The following RALGPS1 variants were observed in gnomAD, a reference collection of about 807,000 sequenced individuals.
RALGPS1 encodes Ral GEF with PH domain and SH3 binding motif 1, also known as ras-specific guanine nucleotide-releasing factor RalGPS1.
Under a neutral mutation model 78.8 loss-of-function variants are expected in RALGPS1, and 19 were observed. The observed-to-expected ratio is 0.24, with a 90% CI of 0.17 to 0.35. The LOEUF (loss-of-function observed/expected upper bound fraction) is 0.35. Among genes scored for constraint, RALGPS1 ranks in the 10% least tolerant of loss-of-function variants. The pLI is 1.00. For missense variants in RALGPS1, 454 were observed against 688.3 expected (o/e 0.66, Z 3.81); for synonymous variants, 228 against 256.3 (o/e 0.89, Z 1.06).
rs1200308849 is a variant in RALGPS1, at chr9:127,183,946, C to T, written c.910+9164C>T. ...AACCCACCTCTGGCCAACACCCTGC[C>T]TGGATGTGGCCCAGCTCCTCACGAG... On this transcript the variant is annotated intron_variant, in intron 11 of 18. Coordinates refer to ENST00000259351, the MANE Select transcript of RALGPS1 (RefSeq NM_014636.3). The surrounding 1 kb of genome is among the most constrained non-coding windows in gnomAD (Gnocchi z 4.0). The T allele has an allele frequency of 6.4e-7, 1 of 1,550,552 alleles. No individual in the cohort carries two copies.
At chr9:127,101,958 C>T (rs1273315827) in intron 8 of RALGPS1, among the ~76,000 whole-genome samples, 1 of 152,122 alleles carries the variant, frequency 6.6e-6, no homozygotes, top group East Asian at 1.9e-4. Context: ...TGTAGTTCCA[C>T]AGGCTCATCT....
At chr9:126,976,821 T>C (rs1371068700) in intron 3 of RALGPS1, among the ~76,000 whole-genome samples, 3 of 152,188 alleles carry the variant, frequency 2.0e-5, no homozygotes, top group Admixed American at 6.5e-5. Context: ...CCATGTGACA[T>C]GGAGGTAGGT....
At chr9:127,217,899 T>A (rs1393848204) in intron 18 of RALGPS1, 1 of 152,248 alleles carries the variant, frequency 6.6e-6, no homozygotes, top group Non-Finnish European at 1.5e-5. Context: ...TTATTTTTAC[T>A]CATTTTGTTT....
At chr9:127,035,572 TTGGGCCCTCTCTCCAGC>T (rs2046794080) in intron 5 of RALGPS1, among the ~76,000 whole-genome samples, 2 of 152,160 alleles carry the variant, frequency 1.3e-5, no homozygotes, top group South Asian at 2.1e-4. Flanking sequence ...TGGATTCCCT[TTGGGCCCTCTCTCCAGC>T]TGGGCCTTCT....
chr9:126,995,616 G>C lies in RALGPS1; in HGVS notation c.216+17871G>C, dbSNP rs535445737. Among the ~76,000 whole-genome samples, 623 of 152,170 alleles carry C rather than the reference G, an allele frequency of 4.1e-3. 3 individuals carry two copies. Among genetic ancestry groups the C allele is most frequent in the African/African-American group, 0.014 (597 of 41,522 alleles). ...AACACCCCACTGTCAACATTAGACA[G>C]ATCAACGAGACAGAAAGTTAACAAG... On this transcript the variant is annotated intron_variant, in intron 4 of 18. Coordinates refer to ENST00000259351, the MANE Select transcript of RALGPS1 (RefSeq NM_014636.3).
chr9:126,946,559 T>C (rs1439279299), intron 1 of RALGPS1, among the ~76,000 whole-genome samples: 2 of 135,092 alleles, frequency 1.5e-5, no homozygotes, highest in African/African-American at 5.2e-5. Context: ...AAAAAAAAGA[T>C]TGAGGGCTTT....
intron 8 of RALGPS1, among the ~76,000 whole-genome samples, chr9:127,134,009 C>A (rs532055908): frequency 1.3e-5 from 2 of 151,792 alleles, no homozygotes; most frequent in South Asian, 4.2e-4. Context: ...TCCTCGCTCC[C>A]CCCCCCGTGA....
At chr9:127,190,858 A>T (rs2060989360) in intron 11 of RALGPS1, among the ~76,000 whole-genome samples, 1 of 152,260 alleles carries the variant, frequency 6.6e-6, no homozygotes, top group African/African-American at 2.4e-5. Context: ...TAAGCCCCAA[A>T]CTAGAGTTCC....
chr9:127,119,133 C>T (rs997212099), intron 8 of RALGPS1, among the ~76,000 whole-genome samples: 1 of 152,172 alleles, frequency 6.6e-6, no homozygotes, highest in Non-Finnish European at 1.5e-5. Context: ...GCACGTGGAA[C>T]AAGTCAGCCA....
rs1324532472 is a variant in RALGPS1, at chr9:126,914,987, G to A, written c.-66+12G>A. 1 of 151,076 alleles carries A rather than the reference G, an allele frequency of 6.6e-6. No individual in the cohort carries two copies. The highest frequency in any genetic ancestry group is 2.4e-5 in the African/African-American group (1 of 41,224). 9.4% of individuals were successfully genotyped at this position (151,076 alleles called of 1,614,324 possible). On this transcript the variant is annotated intron_variant, in intron 1 of 18. Coordinates refer to ENST00000259351, the MANE Select transcript of RALGPS1 (RefSeq NM_014636.3). ...CGGCCCGCGTCAAGGTGACCGGCCG[G>A]GACTGCGGCGGCGGGGAGAGCGGCG... is the stretch of plus-strand genomic sequence containing the variant.
At chr9:127,182,392 C>CCCTCCCTT (rs2060315366) in intron 11 of RALGPS1, among the ~76,000 whole-genome samples, 2 of 52,410 alleles carry the variant, frequency 3.8e-5, no homozygotes, top group African/African-American at 1.3e-4. Flanking sequence ...CTCCCTCCCT[C>CCCTCCCTT]CCTCCCTTCC....
At chr9:126,996,080 G>A (rs1249414647) in intron 4 of RALGPS1, among the ~76,000 whole-genome samples, 6 of 152,062 alleles carry the variant, frequency 3.9e-5, no homozygotes, top group Non-Finnish European at 5.9e-5. Flanking sequence ...GAGAAAGCAG[G>A]AAAGATCTAA....
In RALGPS1 at chr9:126,914,986, G is replaced by C. The variant is rs1564243574; in HGVS notation, c.-66+11G>C. The C allele has an allele frequency of 6.6e-6, 1 of 151,396 alleles. No homozygotes were observed. Among genetic ancestry groups the C allele is most frequent in the East Asian group, 1.9e-4 (1 of 5,134 alleles). 9.4% of individuals were successfully genotyped at this position (151,396 alleles called of 1,614,324 possible). On this transcript the variant is annotated intron_variant, in intron 1 of 18. Coordinates refer to ENST00000259351, the MANE Select transcript of RALGPS1 (RefSeq NM_014636.3). ...GCGGCCCGCGTCAAGGTGACCGGCC[G>C]GGACTGCGGCGGCGGGGAGAGCGGC...
intron 8 of RALGPS1, among the ~76,000 whole-genome samples, chr9:127,152,647 G>A (rs1048119488): frequency 4.6e-5 from 7 of 152,168 alleles, no homozygotes; most frequent in Admixed American, 1.3e-4. Context: ...CTGTATATCT[G>A]CCCTATAGTA....
chr9:127,130,453 C>CT (rs2056927681), intron 8 of RALGPS1, among the ~76,000 whole-genome samples: 1 of 152,294 alleles, frequency 6.6e-6, no homozygotes, highest in Admixed American at 6.5e-5. Context: ...TAAGTTGTCC[C>CT]TTTTTGGTTT....
chr9:127,041,264 G>A (rs1018042569), intron 5 of RALGPS1, among the ~76,000 whole-genome samples: 8 of 151,966 alleles, frequency 5.3e-5, no homozygotes, highest in Admixed American at 5.2e-4. Context: ...GCTAATTTTT[G>A]TATTTTTAGT....
chr9:126,963,782 G>A (rs1355389237), intron 2 of RALGPS1, among the ~76,000 whole-genome samples: 1 of 152,156 alleles, frequency 6.6e-6, no homozygotes, highest in Non-Finnish European at 1.5e-5. Context: ...TCAAAGCCAG[G>A]CCTCCCTGAC....
At chr9:127,149,081 A>G (rs1403040361) in intron 8 of RALGPS1, among the ~76,000 whole-genome samples, 3 of 152,204 alleles carry the variant, frequency 2.0e-5, no homozygotes, top group East Asian at 3.9e-4. Context: ...GACCAGAGGA[A>G]CTGTTCTGGC....
intron 4 of RALGPS1, among the ~76,000 whole-genome samples, chr9:126,991,333 C>T (rs1564375150): frequency 6.6e-6 from 1 of 152,134 alleles, no homozygotes; most frequent in Non-Finnish European, 1.5e-5. Flanking sequence ...GAACTGGCTG[C>T]ACACACAGGC....
Sources: allele counts gnomAD v4.1 joint callset (sites outside exome capture counted in the v4.1 genomes callset), GRCh38; gene constraint gnomAD v4.1.1; non-coding constraint Gnocchi (gnomAD v3.1); transcripts MANE v1.5; gene names NCBI Gene and HGNC (gene_info 2026-07-23, HGNC 2026-07-21).